TPCN2: variants seen among roughly 807,000 people sequenced by gnomAD.
TPCN2 encodes the protein two pore segment channel 2.
A neutral mutation model predicts 111.4 loss-of-function variants in TPCN2; 92 were observed. The observed-to-expected ratio is 0.83, with a 90% CI of 0.70 to 0.98. TPCN2 has a LOEUF of 0.98. Among genes scored for constraint, TPCN2 ranks in the 50% least tolerant of loss-of-function variants. TPCN2 has a pLI of 0.00. For missense variants in TPCN2, 995 were observed against 980.1 expected, an observed-to-expected ratio of 1.02 and a Z score of -0.20; for synonymous variants, 405 against 414.5, an observed-to-expected ratio of 0.98 and a Z score of 0.28.
At chr11:69,060,479 C>T (rs1370438853) in intron 5 of TPCN2, among the ~76,000 whole-genome samples, 1 of 152,180 alleles carries the variant, frequency 6.6e-6, no homozygotes, top group Admixed American at 6.5e-5. Flanking sequence ...CTGCCGGTCA[C>T]TGTTGGGTTT....
chr11:69,079,143 C>T (rs777609496), intron 16 of TPCN2, 123 bp downstream of exon 16: 61 of 1,312,772 alleles, frequency 4.6e-5, no homozygotes, highest in Non-Finnish European at 6.2e-5. Flanking sequence ...TGGGCTTCTG[C>T]TCTCAGTGGT....
chr11:69,079,904 G>A lies in TPCN2; in HGVS notation c.1589+21G>A, dbSNP rs370871367. ...GGCTGGTATGTGACTGGGCAGAACC[G>A]AGGGCGGCTACAGCAAACAGCACCA... On this transcript the variant is annotated intron_variant, in intron 17 of 24. Coordinates refer to ENST00000294309, the MANE Select transcript of TPCN2 (RefSeq NM_139075.4). The A allele has an allele frequency of 1.7e-4, 276 of 1,612,974 alleles. 2 individuals carry two copies. Among genetic ancestry groups the A allele is most frequent in the Middle Eastern group, 1.5e-3 (9 of 5,904 alleles).
chr11:69,070,947 C>T (rs1167541094), intron 9 of TPCN2, among the ~76,000 whole-genome samples: 9 of 145,494 alleles, frequency 6.2e-5, no homozygotes, highest in African/African-American at 2.3e-4. Flanking sequence ...CCCCACCCCA[C>T]GGCTTCACCC....
chr11:69,085,292 G>T lies in TPCN2; in HGVS notation c.1838+6G>T. 6.2e-7 allele frequency: 1 copy of T among 1,613,562 alleles called. No homozygotes were observed. ...GCTCTTCCTGGAAACAGCAGGTGAG[G>T]TGGGGTCCGAGGTGCCACAGGGAGT... On this transcript the variant is annotated splice_donor_region_variant and intron_variant, in intron 20 of 24. Transcript: ENST00000294309.
At position 69,069,197 on chromosome 11, in the gene TPCN2, CAG is replaced by C. The variant is rs1467267788; in HGVS notation, c.830-1232_830-1231del. On this transcript the variant is annotated intron_variant, in intron 8 of 24. Coordinates refer to ENST00000294309, the MANE Select transcript of TPCN2 (RefSeq NM_139075.4). ...ACTGTCTGAGTCCTAGCAAGTGACA[CAG>C]GGGGAGCAGGACCGTCTGAGTCCTA... is the stretch of plus-strand genomic sequence containing the variant. Among the ~76,000 whole-genome samples the C allele has an allele frequency of 5.5e-4, 73 of 132,432 alleles. 1 individual carries two copies. The highest frequency in any genetic ancestry group is 2.1e-3 in the African/African-American group (68 of 32,122). 86.9% of individuals were successfully genotyped at this position (132,432 alleles called of 152,430 possible).
intron 18 of TPCN2, among the ~76,000 whole-genome samples, chr11:69,081,737 C>T (rs1012210349): frequency 5.9e-5 from 9 of 152,234 alleles, no homozygotes; most frequent in South Asian, 2.1e-4. Flanking sequence ...AAGGGTGTGG[C>T]GGGTGCAATG....
Position 69,072,625 on chromosome 11 carries a change from A to G in TPCN2, c.1062-2A>G. 1.9e-6 allele frequency: 3 copies of G among 1,613,830 alleles called. No individual in the cohort carries two copies. The highest frequency in any genetic ancestry group is 2.2e-5 in the East Asian group (1 of 44,874). ...CACCGGGCTGTGGGTTTTTCCCTGCAGAGTTGGGGTGAAGCCCCAGAACTT... is the reference window on the plus strand; with the variant it reads ...CACCGGGCTGTGGGTTTTTCCCTGCGGAGTTGGGGTGAAGCCCCAGAACTT... On this transcript the variant is annotated splice_acceptor_variant, in intron 11 of 24. Transcript: ENST00000294309. LOFTEE classifies it high-confidence loss of function.
Position 69,081,492 on chromosome 11 carries a change from G to A in TPCN2, c.1682G>A (p.Ser561Asn). ...IVFRFLRIIP[S>N]MKLMAVVAST... is the part of the protein sequence containing the mutation. Reference sequence around the variant, plus strand: ...TTCCGCTTCCTGCGTATCATCCCCAGCATGAAGGTGTGTGCCGGCCCCACC... The same window carrying A: ...TTCCGCTTCCTGCGTATCATCCCCAACATGAAGGTGTGTGCCGGCCCCACC... Residue 561 changes from serine to asparagine, a missense_variant, in exon 18 of 25, where the codon AGC becomes AAC. Transcript: ENST00000294309. 6.4e-7 allele frequency: 1 copy of A among 1,564,646 alleles called. No homozygotes were observed. Among genetic ancestry groups the A allele is most frequent in the South Asian group, 1.2e-5 (1 of 85,296 alleles).
At chr11:69,078,388 A>G in intron 13 of TPCN2, 94 bp from the exon 14 acceptor site, 1 of 1,525,714 alleles carries the variant, frequency 6.6e-7, no homozygotes, top group Non-Finnish European at 8.9e-7. Context: ...GTAGGAAAAA[A>G]TCAAATCCCA....
In TPCN2 at chr11:69,083,994, G is replaced by A. The variant is rs1225067127; in HGVS notation, c.1739G>A (p.Arg580His). The A allele has an allele frequency of 3.7e-6, 6 of 1,614,066 alleles. No individual in the cohort carries two copies. The Admixed American group carries it at 5.0e-5, about 13-fold the overall frequency. Reference protein sequence around the residue: ...STVLGLVQNMRAFGGILVVVY... With the variant: ...STVLGLVQNMHAFGGILVVVY... ...GTCCTGGGCCTGGTGCAGAACATGCGTGCGTTTGGCGGGATCCTGGTGGTG... is the reference window on the plus strand; with the variant it reads ...GTCCTGGGCCTGGTGCAGAACATGCATGCGTTTGGCGGGATCCTGGTGGTG... The change falls in exon 19 of 25, where the codon CGT becomes CAT. Residue 580 changes from arginine to histidine, a missense_variant. Coordinates refer to ENST00000294309, the MANE Select transcript of TPCN2 (RefSeq NM_139075.4).
intron 23 of TPCN2, 127 bp from the exon 24 acceptor site, chr11:69,086,985 G>C: frequency 2.7e-6 from 2 of 735,914 alleles, no homozygotes; most frequent in Admixed American, 2.5e-5. Flanking sequence ...CTGTGCCTGG[G>C]TGTCCAGGGT....
chr11:69,070,449 C>T lies in TPCN2; in HGVS notation c.849C>T (p.Ser283=). 1.2e-6 allele frequency: 2 copies of T among 1,612,780 alleles called. No homozygotes were observed. Among genetic ancestry groups the T allele is most frequent in the Non-Finnish European group, 1.7e-6 (2 of 1,179,558 alleles). ...TTTTAGTGATGATTCCTGCGTATTC[C>T]AAGAACCGGGCCTATGCCATCTTCT... The part of the protein sequence containing the change: ...NNPDVMIPAY[S]KNRAYAIFFI... The change falls in exon 9 of 25, where the codon TCC becomes TCT. Residue 283 remains serine (S), a synonymous_variant. Transcript: ENST00000294309.
At chr11:69,050,290 C>T (rs949884580) in intron 1 of TPCN2, among the ~76,000 whole-genome samples, 4 of 152,184 alleles carry the variant, frequency 2.6e-5, no homozygotes, top group Admixed American at 6.5e-5. Flanking sequence ...CATATGGCAC[C>T]GTTCAGGGAA....
rs1012415314 is a variant in TPCN2 at position 69,085,634 on chromosome 11, G to A, written c.1839-37G>A. 5.0e-6 allele frequency: 7 copies of A among 1,387,134 alleles called. No individual in the cohort carries two copies. In the South Asian group the frequency reaches 8.1e-5, roughly 16 times the overall value. The allele number at this position is 1,387,134 out of a possible 1,614,324, so 85.9% of individuals were successfully genotyped here. Reference sequence around the variant, plus strand: ...AAGGTATCAGGCCTCAGAACCTGGAGCCCCCGCCCCTGACCCAGGTGTGTT... The same window carrying A: ...AAGGTATCAGGCCTCAGAACCTGGAACCCCCGCCCCTGACCCAGGTGTGTT... On this transcript the variant is annotated intron_variant, in intron 20 of 24. Transcript: ENST00000294309.
intron 9 of TPCN2, 73 bp downstream of exon 9, chr11:69,070,568 C>T: frequency 9.0e-7 from 1 of 1,114,448 alleles, no homozygotes; most frequent in Non-Finnish European, 1.3e-6. Flanking sequence ...ACCCTGCTGC[C>T]TCCACGACCT....
chr11:69,069,226 G>C (rs865918198), intron 8 of TPCN2, among the ~76,000 whole-genome samples: 86 of 110,134 alleles, frequency 7.8e-4, no homozygotes, highest in Non-Finnish European at 1.4e-3. Context: ...TGAGTCCTAG[G>C]AAGTGACCGC....
rs767642786 is a variant in TPCN2 at position 69,054,121 on chromosome 11, G to T, written c.174+24G>T. ...AGGTCGGTGGCACCTGCTCCCTGTG[G>T]CCGGGCCTGGGGGGTGGCCGCCCTC... On this transcript the variant is annotated intron_variant, in intron 2 of 24. Coordinates refer to ENST00000294309, the MANE Select transcript of TPCN2 (RefSeq NM_139075.4). The T allele has an allele frequency of 2.7e-5, 43 of 1,608,424 alleles. 1 individual carries two copies. Among genetic ancestry groups the T allele is most frequent in the Non-Finnish European group, 3.3e-5 (39 of 1,177,824 alleles).
chr11:69,085,313 G>C (rs1856223106), intron 20 of TPCN2, 27 bp downstream of exon 20: 1 of 1,605,848 alleles, frequency 6.2e-7, no homozygotes, highest in African/African-American at 1.3e-5. Flanking sequence ...GGTGCCACAG[G>C]GAGTGTCTCA....
chr11:69,086,004 A>G (rs764449748), intron 22 of TPCN2, 74 bp downstream of exon 22: 3 of 1,434,966 alleles, frequency 2.1e-6, no homozygotes, highest in African/African-American at 2.8e-5. Context: ...GGCACGCTGC[A>G]TCTGCACTGG....
Sources: gnomAD v4.1 joint callset for allele counts (sites outside exome capture counted in the v4.1 genomes callset) on GRCh38, gnomAD v4.1.1 for gene constraint, MANE v1.5 for transcripts, NCBI Gene and HGNC (gene_info 2026-07-23, HGNC 2026-07-21) for gene names.